GPC5: variants seen among roughly 807,000 people sequenced by gnomAD.
GPC5 encodes glypican 5, also known as glypican-5.
GPC5 carries 47 observed loss-of-function variants against 53.9 expected under a neutral mutation model. The observed-to-expected ratio is 0.87, with a 90% CI of 0.69 to 1.11. The LOEUF is 1.11. GPC5 is among the 50% of genes most tolerant of loss of function. The pLI, the probability that GPC5 is intolerant of heterozygous loss-of-function variation, is 0.00. For synonymous variants in GPC5, 286 were observed against 263.3 expected (o/e 1.09, Z -0.84); for missense variants, 748 against 713.1 (o/e 1.05, Z -0.56).
At chr13:92,220,205 A>C (rs1028612572) in intron 7 of GPC5, among the ~76,000 whole-genome samples, 4 of 152,128 alleles carry the variant, frequency 2.6e-5, no homozygotes, top group Non-Finnish European at 5.9e-5. Context: ...TAAATACTTG[A>C]GCACCAGCCT....
intron 6 of GPC5, among the ~76,000 whole-genome samples, chr13:91,951,357 A>G (rs574000678): frequency 1.3e-5 from 2 of 152,256 alleles, no homozygotes; most frequent in East Asian, 3.9e-4. Context: ...GTGTGTGTGA[A>G]TATATGTATT....
At chr13:92,549,724 G>T (rs1288430349) in intron 7 of GPC5, among the ~76,000 whole-genome samples, 1 of 151,918 alleles carries the variant, frequency 6.6e-6, no homozygotes, top group African/African-American at 2.4e-5. Context: ...AATCTGCTAA[G>T]GAGAAAGTAT....
At chr13:92,793,143 C>G (rs1365263766) in intron 7 of GPC5, among the ~76,000 whole-genome samples, 1 of 152,036 alleles carries the variant, frequency 6.6e-6, no homozygotes, top group Non-Finnish European at 1.5e-5. Flanking sequence ...AAGTAAAGCT[C>G]TCCTCAGCAA....
chr13:92,524,744 T>A (rs1037576050), intron 7 of GPC5, among the ~76,000 whole-genome samples: 1 of 152,094 alleles, frequency 6.6e-6, no homozygotes, highest in Non-Finnish European at 1.5e-5. Flanking sequence ...AAAGTAGTTA[T>A]TGCTTATATT....
intron 7 of GPC5, among the ~76,000 whole-genome samples, chr13:92,508,615 T>C (rs1880460636): frequency 6.6e-6 from 1 of 152,166 alleles, no homozygotes; most frequent in Admixed American, 6.6e-5. Context: ...ATTGGCTATA[T>C]GAATCTAGAG....
intron 7 of GPC5, among the ~76,000 whole-genome samples, chr13:92,598,998 G>GT (rs1186099522): frequency 6.6e-6 from 1 of 152,100 alleles, no homozygotes; most frequent in Non-Finnish European, 1.5e-5. Context: ...TTGTGACACT[G>GT]TATCTATTTA....
At chr13:91,402,065 C>T (rs1362121346) in intron 1 of GPC5, among the ~76,000 whole-genome samples, 1 of 152,072 alleles carries the variant, frequency 6.6e-6, no homozygotes, top group Non-Finnish European at 1.5e-5. Flanking sequence ...TAATGCTTTT[C>T]TATTAAAATT....
intron 7 of GPC5, among the ~76,000 whole-genome samples, chr13:92,811,987 A>G (rs985343519): frequency 1.3e-5 from 2 of 151,880 alleles, no homozygotes; most frequent in Admixed American, 1.3e-4. Flanking sequence ...CACTGTTTTG[A>G]TTATTTTAGC....
chr13:92,447,399 A>G (rs1378500001), intron 7 of GPC5: 1 of 152,152 alleles, frequency 6.6e-6, no homozygotes. Context: ...TATATAAAGT[A>G]TAACTTATAC....
intron 7 of GPC5, among the ~76,000 whole-genome samples, chr13:92,334,310 C>T (rs1318363660): frequency 6.6e-6 from 1 of 152,034 alleles, no homozygotes; most frequent in African/African-American, 2.4e-5. Context: ...TTTATAAAAC[C>T]ATCAAGTCGC....
chr13:92,173,868 G>A (rs979725414), intron 7 of GPC5, among the ~76,000 whole-genome samples: 4 of 152,188 alleles, frequency 2.6e-5, no homozygotes, highest in African/African-American at 4.8e-5. Context: ...ACTTTGGGAA[G>A]CCGAGGAAGG....
intron 6 of GPC5, among the ~76,000 whole-genome samples, chr13:92,122,206 C>T (rs761468969): frequency 1.3e-4 from 20 of 151,830 alleles, no homozygotes; most frequent in Non-Finnish European, 2.4e-4. Flanking sequence ...TTTAGGGTGC[C>T]TTTTGTCTTT....
intron 7 of GPC5, among the ~76,000 whole-genome samples, chr13:92,485,638 G>C (rs1217334237): frequency 6.6e-6 from 1 of 152,164 alleles, no homozygotes; most frequent in Non-Finnish European, 1.5e-5. Flanking sequence ...ATTCCACTTT[G>C]GATCATTACA....
At chr13:91,903,731 G>A (rs577640794) in intron 5 of GPC5, among the ~76,000 whole-genome samples, 1 of 152,004 alleles carries the variant, frequency 6.6e-6, no homozygotes, top group South Asian at 2.1e-4. Context: ...ATAACAGCTT[G>A]GAATGAGATT....
At chr13:92,066,602 G>A (rs1458548516) in intron 6 of GPC5, among the ~76,000 whole-genome samples, 1 of 151,904 alleles carries the variant, frequency 6.6e-6, no homozygotes, top group Non-Finnish European at 1.5e-5. Flanking sequence ...TCTTTACCAG[G>A]CAAATAAATC....
chr13:92,337,194 C>T (rs1194065474), intron 7 of GPC5, among the ~76,000 whole-genome samples: 1 of 112,626 alleles, frequency 8.9e-6, no homozygotes, highest in Non-Finnish European at 1.7e-5. Flanking sequence ...TTAGCAGCAC[C>T]CCCCACCCAA....
At chr13:92,154,353 A>G (rs1278014964) in intron 7 of GPC5, among the ~76,000 whole-genome samples, 5 of 152,040 alleles carry the variant, frequency 3.3e-5, no homozygotes, top group Non-Finnish European at 5.9e-5. Flanking sequence ...ACCCCTTTCT[A>G]TCAGGTTATT....
intron 2 of GPC5, among the ~76,000 whole-genome samples, chr13:91,658,370 C>A (rs540610707): frequency 1.4e-5 from 2 of 145,116 alleles, no homozygotes; most frequent in Non-Finnish European, 1.5e-5. Flanking sequence ...TGGATTGTTT[C>A]ATATTTTGGG....
chr13:92,323,027 T>A (rs2043226209), intron 7 of GPC5, among the ~76,000 whole-genome samples: 1 of 151,564 alleles, frequency 6.6e-6, no homozygotes, highest in African/African-American at 2.4e-5. Flanking sequence ...CTATCAATCT[T>A]CCCAAAAAAT....
Sources: allele counts gnomAD v4.1 joint callset (sites outside exome capture counted in the v4.1 genomes callset), GRCh38; gene constraint gnomAD v4.1.1; transcripts MANE v1.5; gene names NCBI Gene and HGNC (gene_info 2026-07-23, HGNC 2026-07-21).